Variants in RGS6 observed in about 807,000 individuals in gnomAD.
RGS6 encodes the protein regulator of G protein signaling 6.
RGS6 carries 30 observed loss-of-function variants against 78.5 expected under a neutral mutation model. The observed-to-expected ratio is 0.38, with a 90% CI of 0.29 to 0.52. The LOEUF (loss-of-function observed/expected upper bound fraction) is 0.52, where lower values mean the gene tolerates loss of function less well. Ranked by LOEUF, RGS6 falls within the 20% of genes least tolerant of loss-of-function variation. RGS6 has a pLI of 0.85. For missense variants in RGS6, 495 were observed against 609.7 expected, an observed-to-expected ratio of 0.81 and a Z score of 1.98; for synonymous variants, 206 against 206.0, an observed-to-expected ratio of 1.00 and a Z score of 0.00.
intron 16 of RGS6, among the ~76,000 whole-genome samples, chr14:72,539,630 G>T (rs533391280): frequency 2.3e-3 from 355 of 152,284 alleles, no homozygotes; most frequent in African/African-American, 8.2e-3. Flanking sequence ...AGGACTTGGG[G>T]GGCCCCCAGG....
At chr14:72,397,462 G>A (rs1459545855) in intron 3 of RGS6, among the ~76,000 whole-genome samples, 1 of 151,666 alleles carries the variant, frequency 6.6e-6, no homozygotes, top group African/African-American at 2.4e-5. Context: ...GAGACGATGG[G>A]GTTTTCTAGA....
At position 72,495,213 on chromosome 14, in the gene RGS6, T is replaced by C. The variant is rs1308534525; in HGVS notation, c.916T>C (p.Ser306Pro). The C allele has an allele frequency of 1.9e-6, 3 of 1,613,638 alleles. No individual in the cohort carries two copies. The highest frequency in any genetic ancestry group is 2.7e-5 in the African/African-American group (2 of 74,898). ...CCCTTTGATAACACCAGCTGAGCCA[T>C]CCAACCCTTGGATCAGCGATGACGT... ...YDPLITPAEP[S>P]NPWISDDVAL... The change falls in exon 13 of 18, where the codon TCC becomes CCC. Residue 306 changes from serine to proline, a missense_variant. By Grantham distance (74) the Ser-to-Pro change is moderately conservative. Coordinates refer to ENST00000553525, the MANE Select transcript of RGS6 (RefSeq NM_001204424.2).
chr14:72,415,538 C>A (rs971466206), intron 3 of RGS6, among the ~76,000 whole-genome samples: 1 of 152,228 alleles, frequency 6.6e-6, no homozygotes, highest in Admixed American at 6.5e-5. Context: ...TGCGCTGCAC[C>A]CACTGTCCTG....
intron 2 of RGS6, among the ~76,000 whole-genome samples, chr14:72,038,601 T>G (rs558140059): frequency 2.5e-4 from 38 of 152,298 alleles, no homozygotes; most frequent in African/African-American, 8.9e-4. Flanking sequence ...CTCTAATTGT[T>G]TACATAAATA....
At chr14:72,586,602 A>T in the RGS6 span, among the ~76,000 whole-genome samples, 1 of 152,190 alleles carries the variant, frequency 6.6e-6, no homozygotes, top group Non-Finnish European at 1.5e-5. Context: ...GACACAGGGC[A>T]CTTTGGTCAG....
intron 3 of RGS6, 154 bp from the exon 4 acceptor site, chr14:72,454,374 G>GAAAAAAA: frequency 1.4e-6 from 1 of 719,388 alleles, no homozygotes; most frequent in East Asian, 2.6e-5. Flanking sequence ...CTGAAGAATG[G>GAAAAAAA]AAAGGGTTGG....
At chr14:72,335,861 C>A (rs1342749813) in intron 2 of RGS6, among the ~76,000 whole-genome samples, 1 of 152,186 alleles carries the variant, frequency 6.6e-6, no homozygotes, top group Non-Finnish European at 1.5e-5. Flanking sequence ...CACTCTCCTG[C>A]CAGCCTCTAC....
At chr14:72,398,438 C>G (rs1187869274) in intron 3 of RGS6, among the ~76,000 whole-genome samples, 1 of 152,096 alleles carries the variant, frequency 6.6e-6, no homozygotes, top group African/African-American at 2.4e-5. Flanking sequence ...TGATTCTTCT[C>G]TCTTTTCTTC....
intron 3 of RGS6, among the ~76,000 whole-genome samples, chr14:72,369,082 A>C (rs77537473): frequency 0.019 from 2,846 of 152,338 alleles, 36 homozygotes; most frequent in Non-Finnish European, 0.026. Flanking sequence ...ATAATGTTTT[A>C]AGAAAATTGA....
At chr14:72,617,355 G>C in the RGS6 span, among the ~76,000 whole-genome samples, 1 of 152,082 alleles carries the variant, frequency 6.6e-6, no homozygotes, top group Non-Finnish European at 1.5e-5. Context: ...AGCCTGCTTT[G>C]GGTTTTGTGG....
intron 3 of RGS6, among the ~76,000 whole-genome samples, chr14:72,353,360 A>G (rs1221522324): frequency 1.3e-5 from 2 of 152,236 alleles, no homozygotes; most frequent in African/African-American, 2.4e-5. Context: ...ATGGATAAAC[A>G]AACTGTAGTC....
intron 2 of RGS6, among the ~76,000 whole-genome samples, chr14:72,123,385 A>G (rs2096106874): frequency 6.6e-6 from 1 of 152,256 alleles, no homozygotes; most frequent in Non-Finnish European, 1.5e-5. Context: ...GTTGGTAGAA[A>G]TCAAGAAGCA....
At chr14:72,424,346 A>C (rs539249632) in intron 3 of RGS6, among the ~76,000 whole-genome samples, 90 of 152,364 alleles carry the variant, frequency 5.9e-4, no homozygotes, top group Middle Eastern at 3.4e-3. Flanking sequence ...TGCAGGATTC[A>C]AAGAAGTAAA....
chr14:72,087,442 A>G (rs896571282), intron 2 of RGS6, among the ~76,000 whole-genome samples: 2 of 151,998 alleles, frequency 1.3e-5, no homozygotes, highest in African/African-American at 4.8e-5. Context: ...AAATGCATAT[A>G]TATATATACT....
At chr14:72,336,512 T>TGAGA (rs35115421) in intron 2 of RGS6, among the ~76,000 whole-genome samples, 6 of 149,640 alleles carry the variant, frequency 4.0e-5, no homozygotes, top group Non-Finnish European at 6.0e-5. Context: ...TGTCATCTCC[T>TGAGA]GAGAGAGAGA....
chr14:71,873,571 A>T, the RGS6 span, among the ~76,000 whole-genome samples: 2 of 151,862 alleles, frequency 1.3e-5, no homozygotes, highest in Admixed American at 6.6e-5. Flanking sequence ...GATTGCAAAA[A>T]TTTTCTCCCA....
At chr14:71,898,864 C>T in the RGS6 span, among the ~76,000 whole-genome samples, 3 of 152,134 alleles carry the variant, frequency 2.0e-5, no homozygotes, top group Non-Finnish European at 4.4e-5. Context: ...TTTGTGGCTG[C>T]ATAGTAACCC....
At chr14:72,586,820 C>T in the RGS6 span, among the ~76,000 whole-genome samples, 98 of 152,120 alleles carry the variant, frequency 6.4e-4, no homozygotes, top group Middle Eastern at 3.2e-3. Flanking sequence ...TTTAATATTC[C>T]TAAATACTAC....
chr14:72,218,087 A>G (rs2046004954), intron 2 of RGS6, among the ~76,000 whole-genome samples: 3 of 152,240 alleles, frequency 2.0e-5, no homozygotes, highest in Middle Eastern at 3.4e-3. Context: ...GATTATTAAG[A>G]TATTCAAGCG....
Sources: allele counts gnomAD v4.1 joint callset (sites outside exome capture counted in the v4.1 genomes callset), GRCh38; gene constraint gnomAD v4.1.1; transcripts MANE v1.5; gene names NCBI Gene and HGNC (gene_info 2026-07-23, HGNC 2026-07-21).